Variants in SRGAP2 observed in about 807,000 individuals in gnomAD.
SRGAP2 encodes SLIT-ROBO Rho GTPase-activating protein 2.
SRGAP2 carries 15 observed loss-of-function variants against 57.2 expected under a neutral mutation model. The observed-to-expected ratio is 0.26, with a 90% confidence interval of 0.18 to 0.40. SRGAP2 has a LOEUF of 0.40. SRGAP2 is among the 10% of genes least tolerant of loss of function. The probability of loss-of-function intolerance (pLI) is 1.00; values close to 1 mark genes in which losing one functional copy is unlikely to be tolerated. For missense variants in SRGAP2, 520 were observed against 669.6 expected, an observed-to-expected ratio of 0.78 and a Z score of 2.47; for synonymous variants, 249 against 248.0, an observed-to-expected ratio of 1.00 and a Z score of -0.04.
intron 4 of SRGAP2, among the ~76,000 whole-genome samples, chr1:206,363,711 G>C (rs1242858704): frequency 7.9e-5 from 12 of 152,084 alleles, no homozygotes; most frequent in African/African-American, 1.9e-4. Flanking sequence ...ATTTTGGTTT[G>C]TTTGGTTTCC....
At chr1:206,331,499 G>A (rs1192650903) in intron 3 of SRGAP2, among the ~76,000 whole-genome samples, 2 of 145,148 alleles carry the variant, frequency 1.4e-5, no homozygotes, top group Non-Finnish European at 3.0e-5. Flanking sequence ...CTCCTGTATT[G>A]GGTGCATATA....
At chr1:206,460,632 C>T (rs1664180242) in intron 22 of SRGAP2, among the ~76,000 whole-genome samples, 1 of 152,064 alleles carries the variant, frequency 6.6e-6, no homozygotes, top group Non-Finnish European at 1.5e-5. Flanking sequence ...TTATTATGTA[C>T]AATTTCAAAC....
At chr1:206,414,521 A>G (rs1372216509) in intron 10 of SRGAP2, among the ~76,000 whole-genome samples, 2 of 152,212 alleles carry the variant, frequency 1.3e-5, no homozygotes, top group Non-Finnish European at 2.9e-5. Flanking sequence ...TTCACGGATC[A>G]CACTTTGGGA....
intron 10 of SRGAP2, among the ~76,000 whole-genome samples, chr1:206,413,251 C>T (rs146515032): frequency 0.014 from 2,186 of 152,282 alleles, 18 homozygotes; most frequent in Middle Eastern, 0.051. Flanking sequence ...TTAGAGTCTC[C>T]TGGGATAACC....
At chr1:206,413,132 G>A (rs1300066292) in intron 10 of SRGAP2, among the ~76,000 whole-genome samples, 1 of 152,210 alleles carries the variant, frequency 6.6e-6, no homozygotes, top group Non-Finnish European at 1.5e-5. Flanking sequence ...AGTAGTGAGA[G>A]GAAGGAATTT....
chr1:206,449,317 G>T (rs1663056035), intron 18 of SRGAP2, among the ~76,000 whole-genome samples: 1 of 124,558 alleles, frequency 8.0e-6, no homozygotes, highest in Admixed American at 8.1e-5. Context: ...TTTTAGACAG[G>T]ATCTTGCTCT....
Position 206,461,133 on chromosome 1 carries a change from T to G in SRGAP2, c.2929T>G (p.Leu977Val), listed in dbSNP as rs781860018. Reference sequence around the variant, plus strand: ...CACCCCTGACGTGGTTCTGGACACCTTGGAGCCCCTCAAAACCTCCCCAGT... The same window carrying G: ...CACCCCTGACGTGGTTCTGGACACCGTGGAGCCCCTCAAAACCTCCCCAGT... The part of the protein sequence containing the change: ...KHTPDVVLDT[L>V]EPLKTSPVVA... The change falls in exon 23 of 23, where the codon TTG (leucine) becomes GTG (valine). Residue 977 changes from leucine (L) to valine (V), a missense_variant. By Grantham distance (32) the Leu-to-Val change is conservative. This residue lies in a region of SRGAP2 where 478 missense variants were observed against 373.6 expected (regional missense o/e 1.28). Coordinates refer to ENST00000573034, the MANE Select transcript of SRGAP2 (RefSeq NM_015326.5). 1.3e-6 allele frequency: 1 copy of G among 780,606 alleles called. No homozygotes were observed. Among genetic ancestry groups the G allele is most frequent in the East Asian group, 2.4e-5 (1 of 41,248 alleles). 48.4% of individuals were successfully genotyped at this position (780,606 alleles called of 1,614,324 possible).
chr1:206,443,165 C>A (rs1393897847), intron 17 of SRGAP2, among the ~76,000 whole-genome samples: 1 of 152,164 alleles, frequency 6.6e-6, no homozygotes, highest in Non-Finnish European at 1.5e-5. Flanking sequence ...CAATGCTGAA[C>A]CTTTTTATGA....
chr1:206,375,715 C>T (rs1655137565), intron 4 of SRGAP2, among the ~76,000 whole-genome samples: 1 of 152,098 alleles, frequency 6.6e-6, no homozygotes, highest in Non-Finnish European at 1.5e-5. Context: ...TGAACTCCCA[C>T]CCTTGTCCCG....
At chr1:206,272,369 G>A in intron 2 of SRGAP2, among the ~76,000 whole-genome samples, 1 of 148,402 alleles carries the variant, frequency 6.7e-6, no homozygotes, top group Non-Finnish European at 1.5e-5. Flanking sequence ...TTCTTGTGCA[G>A]TATACTAACC....
chr1:206,442,162 A>C (rs1662363893), intron 17 of SRGAP2, among the ~76,000 whole-genome samples: 1 of 152,152 alleles, frequency 6.6e-6, no homozygotes, highest in African/African-American at 2.4e-5. Context: ...GGGCACCCAC[A>C]CTATCATGTA....
chr1:206,229,340 A>G (rs1571620171), intron 2 of SRGAP2, among the ~76,000 whole-genome samples: 1 of 150,622 alleles, frequency 6.6e-6, no homozygotes, highest in East Asian at 1.9e-4. Flanking sequence ...CACTGCTCCT[A>G]AGTTCCTTTT....
intron 2 of SRGAP2, among the ~76,000 whole-genome samples, chr1:206,286,462 T>C (rs1372589803): frequency 6.7e-6 from 1 of 150,054 alleles, no homozygotes; most frequent in Non-Finnish European, 1.5e-5. Flanking sequence ...AAAAAACAGC[T>C]CTTGATTCAT....
chr1:206,253,607 A>C (rs112464058), intron 2 of SRGAP2, among the ~76,000 whole-genome samples: 2 of 95,574 alleles, frequency 2.1e-5, no homozygotes, highest in African/African-American at 4.5e-5. Flanking sequence ...GCGGAGTCTC[A>C]CTCCGTCCCC....
At chr1:206,308,837 G>A (rs1215796453) in intron 3 of SRGAP2, among the ~76,000 whole-genome samples, 1 of 147,246 alleles carries the variant, frequency 6.8e-6, no homozygotes, top group Non-Finnish European at 1.5e-5. Flanking sequence ...ACTGAGTACT[G>A]TGCTCTGTGT....
intron 3 of SRGAP2, among the ~76,000 whole-genome samples, chr1:206,329,798 T>C (rs1416434268): frequency 1.4e-5 from 2 of 145,644 alleles, no homozygotes; most frequent in Non-Finnish European, 3.0e-5. Flanking sequence ...ACCCTTTATT[T>C]CCTTCTCCTG....
chr1:206,438,184 C>A, intron 16 of SRGAP2, 86 bp downstream of exon 16: 2 of 683,744 alleles, frequency 2.9e-6, no homozygotes, highest in East Asian at 5.3e-5. Context: ...TCTGTGTGTT[C>A]TCATAAGCTT....
At chr1:206,234,795 C>T (rs1190433285) in intron 2 of SRGAP2, among the ~76,000 whole-genome samples, 1 of 151,818 alleles carries the variant, frequency 6.6e-6, no homozygotes, top group Non-Finnish European at 1.5e-5. Context: ...CACAGCAATG[C>T]TGTCTCTTCC....
chr1:206,423,234 A>G (rs555238268), intron 13 of SRGAP2, among the ~76,000 whole-genome samples: 2 of 152,196 alleles, frequency 1.3e-5, no homozygotes, highest in South Asian at 2.1e-4. Context: ...CCATGACTTC[A>G]TATCTTCTTT....
Sources: allele counts gnomAD v4.1 joint callset (sites outside exome capture counted in the v4.1 genomes callset), GRCh38; gene constraint gnomAD v4.1.1; regional missense constraint gnomAD v4.1.1; transcripts MANE v1.5; gene names NCBI Gene and HGNC (gene_info 2026-07-23, HGNC 2026-07-21).